The following TTC12 variants were observed in gnomAD, a reference collection of about 807,000 sequenced individuals.
TTC12 encodes tetratricopeptide repeat protein 12.
In TTC12, 70 loss-of-function variants were observed where a neutral mutation model predicts 90.1. The observed-to-expected ratio is 0.78, with a 90% CI of 0.64 to 0.95. The LOEUF (loss-of-function observed/expected upper bound fraction) is 0.95. TTC12 is among the 40% of genes least tolerant of loss of function. The pLI, the probability that TTC12 is intolerant of heterozygous loss-of-function variation, is 0.00. For synonymous variants in TTC12, 296 were observed against 311.5 expected (o/e 0.95, Z 0.53); for missense variants, 819 against 846.1 (o/e 0.97, Z 0.40).
intron 15 of TTC12, 79 bp from the exon 16 acceptor site, chr11:113,351,987 GGTGA>G (rs1949322795): frequency 6.7e-7 from 1 of 1,501,844 alleles, no homozygotes; most frequent in African/African-American, 1.4e-5. Flanking sequence ...TGGGCCTTTT[GGTGA>G]GTGAGGGATG....
At chr11:113,373,148 G>T in exon 22 of TTC12, 5 of 981,752 alleles carry the variant, frequency 5.1e-6, no homozygotes, top group Non-Finnish European at 6.0e-6. Flanking sequence ...GTGCAAAGCA[G>T]TTAAGCAACT....
chr11:113,325,136 CTTTTA>C (rs570304185), intron 5 of TTC12, among the ~76,000 whole-genome samples: 46 of 152,252 alleles, frequency 3.0e-4, no homozygotes, highest in African/African-American at 9.6e-4. Context: ...AATGTTTTCA[CTTTTA>C]TTTTATACCA....
chr11:113,325,484 G>A, intron 5 of TTC12, 40 bp from the exon 6 acceptor site: 1 of 1,606,558 alleles, frequency 6.2e-7, no homozygotes, highest in South Asian at 1.1e-5. Flanking sequence ...ATTTTCTGAT[G>A]TGTGGTGAGA....
At chr11:113,351,943 C>T (rs1949318368) in intron 15 of TTC12, 127 bp from the exon 16 acceptor site, 4 of 1,100,260 alleles carry the variant, frequency 3.6e-6, no homozygotes, top group Non-Finnish European at 2.5e-6. Context: ...CCCAGGGATG[C>T]CCCTGTGTGA....
At chr11:113,335,187 G>A in intron 8 of TTC12, 150 bp downstream of exon 8, 1 of 635,936 alleles carries the variant, frequency 1.6e-6, no homozygotes, top group Non-Finnish European at 2.7e-6. Flanking sequence ...TTAAAGTTGG[G>A]AAGAATTTTG....
Position 113,344,275 on chromosome 11 carries a change from A to G in TTC12, c.989A>G (p.Glu330Gly), listed in dbSNP as rs1429653649. 6.2e-7 allele frequency: 1 copy of G among 1,610,524 alleles called. No homozygotes were observed. The highest frequency in any genetic ancestry group is 1.3e-5 in the African/African-American group (1 of 74,858). Residue 330 changes from glutamate to glycine, a missense_variant, in exon 13 of 22, where the codon GAA (glutamate) becomes GGA (glycine). Coordinates refer to ENST00000529221, the MANE Select transcript of TTC12 (RefSeq NM_017868.4). ...LWQAVCSRNE[E>G]NQRVLVIHHD... ...ACACAACCTCTGTGTTTTGCAGAGG[A>G]AAACCAGCGTGTGCTAGTGATACAC... is the stretch of plus-strand genomic sequence containing the variant.
intron 16 of TTC12, among the ~76,000 whole-genome samples, chr11:113,353,679 A>G (rs1949446667): frequency 2.0e-5 from 3 of 152,322 alleles, no homozygotes; most frequent in East Asian, 3.9e-4. Context: ...TCTTCTGCAT[A>G]TGACTAGCCA....
In TTC12 at chr11:113,339,220, G is replaced by A. The variant is rs1948547258; in HGVS notation, c.638-66G>A. On this transcript the variant is annotated intron_variant, in intron 9 of 21. Coordinates refer to ENST00000529221, the MANE Select transcript of TTC12 (RefSeq NM_017868.4). ...TCCTCAAAAGAAAGGAAAAAAAAAG[G>A]TTGCTTCTTGTGTGGTATTGTTGAT... 6.7e-6 allele frequency: 9 copies of A among 1,343,846 alleles called. No homozygotes were observed. In the South Asian group the frequency reaches 1.3e-4, roughly 20 times the overall value. The allele number at this position is 1,343,846 out of a possible 1,614,324, so 83.2% of individuals were successfully genotyped here.
chr11:113,324,173 G>T, intron 4 of TTC12, 158 bp downstream of exon 4: 3 of 599,714 alleles, frequency 5.0e-6, no homozygotes, highest in East Asian at 2.9e-5. Flanking sequence ...GTGATCAGCG[G>T]GAATGTCCCT....
At chr11:113,341,307 T>A (rs1472405908) in intron 11 of TTC12, among the ~76,000 whole-genome samples, 4 of 152,150 alleles carry the variant, frequency 2.6e-5, no homozygotes, top group African/African-American at 4.8e-5. Context: ...GTCAGAGAAA[T>A]GATCATTCTT....
At chr11:113,366,132 A>G in intron 21 of TTC12, 93 bp from the exon 22 acceptor site, 1 of 1,393,596 alleles carries the variant, frequency 7.2e-7, no homozygotes, top group Non-Finnish European at 1.0e-6. Context: ...TGACGTTCTC[A>G]GCCAGCTTCC....
chr11:113,316,380 C>G (rs1946942436), intron 2 of TTC12, 65 bp downstream of exon 2: 1 of 797,998 alleles, frequency 1.3e-6, no homozygotes, highest in Non-Finnish European at 1.8e-6. Context: ...AATGATTGCT[C>G]TAAGTTCCTG....
intron 13 of TTC12, among the ~76,000 whole-genome samples, chr11:113,348,579 T>C (rs1279060488): frequency 2.0e-5 from 3 of 152,230 alleles, no homozygotes; most frequent in African/African-American, 4.8e-5. Flanking sequence ...AAGGGATTTT[T>C]CTAAAATGCA....
chr11:113,355,532 T>G (rs1949585320), intron 16 of TTC12, among the ~76,000 whole-genome samples: 1 of 152,200 alleles, frequency 6.6e-6, no homozygotes, highest in African/African-American at 2.4e-5. Context: ...TCTAGTTGCT[T>G]TAGTTGTGGT....
intron 8 of TTC12, 46 bp downstream of exon 8, chr11:113,335,083 A>G (rs782374599): frequency 7.4e-7 from 1 of 1,359,910 alleles, no homozygotes; most frequent in South Asian, 1.2e-5. Context: ...TCACAGACTG[A>G]TGCTCCCAGT....
In TTC12 at chr11:113,365,008, G is replaced by T; in HGVS notation, c.1990G>T (p.Val664Leu). 1 of 1,614,190 alleles carries T rather than the reference G, an allele frequency of 6.2e-7. No individual in the cohort carries two copies. Among genetic ancestry groups the T allele is most frequent in the Non-Finnish European group, 8.5e-7 (1 of 1,180,032 alleles). Reference sequence around the variant, plus strand: ...AGGCAGTGACACACAGAAGACGGCCGTGCAGGTGAACGCAGGCATTGCTCT... The same window carrying T: ...AGGCAGTGACACACAGAAGACGGCCTTGCAGGTGAACGCAGGCATTGCTCT... ...LAGSDTQKTA[V>L]QVNAGIALGK... The change falls in exon 21 of 22, where the codon GTG becomes TTG. Residue 664 changes from valine to leucine, a missense_variant. By Grantham distance (32) the Val-to-Leu change is conservative (BLOSUM62 1). Transcript: ENST00000529221.
intron 16 of TTC12, among the ~76,000 whole-genome samples, chr11:113,358,134 C>A (rs1021361783): frequency 6.6e-6 from 1 of 152,168 alleles, no homozygotes; most frequent in African/African-American, 2.4e-5. Context: ...CTATGCCATG[C>A]TAGCACAAGG....
intron 16 of TTC12, among the ~76,000 whole-genome samples, chr11:113,357,538 T>C (rs1555152918): frequency 6.6e-6 from 1 of 152,210 alleles, no homozygotes; most frequent in African/African-American, 2.4e-5. Context: ...ATCATGTGGA[T>C]TCTTTCTTAT....
At position 113,352,215 on chromosome 11, in the gene TTC12, A is replaced by C. The variant is rs1001402607; in HGVS notation, c.1446+8A>C. The stretch of plus-strand genomic sequence containing the variant: ...GGCTGCTTGAGCCTCCTGGTATGTT[A>C]GCTTTTCTATTCAAAATTGGTCTTT... On this transcript the variant is annotated splice_region_variant and intron_variant, in intron 16 of 21. Transcript: ENST00000529221. 1 of 1,614,102 alleles carries C rather than the reference A, an allele frequency of 6.2e-7. No individual in the cohort carries two copies. Among genetic ancestry groups the C allele is most frequent in the Non-Finnish European group, 8.5e-7 (1 of 1,179,998 alleles).
Sources: allele counts gnomAD v4.1 joint callset (sites outside exome capture counted in the v4.1 genomes callset), GRCh38; gene constraint gnomAD v4.1.1; transcripts MANE v1.5; gene names NCBI Gene and HGNC (gene_info 2026-07-23, HGNC 2026-07-21).